The following PTPN4 variants were observed in gnomAD, a reference collection of about 807,000 sequenced individuals.
PTPN4 encodes the protein tyrosine-protein phosphatase non-receptor type 4.
Under a neutral mutation model 135.5 loss-of-function variants are expected in PTPN4, and 49 were observed. The ratio of observed to expected loss-of-function variants is 0.36; its 90% CI spans 0.29 to 0.46. The LOEUF is 0.46. Among genes scored for constraint, PTPN4 ranks in the 20% least tolerant of loss-of-function variants. The probability of loss-of-function intolerance (pLI) is 1.00; values close to 1 mark genes in which losing one functional copy is unlikely to be tolerated. For synonymous variants in PTPN4, 333 were observed against 369.9 expected, an observed-to-expected ratio of 0.90 and a Z score of 1.14; for missense variants, 860 against 1,101.0, an observed-to-expected ratio of 0.78 and a Z score of 3.10.
chr2:119,877,448 C>T lies in PTPN4; in HGVS notation c.290-16C>T, dbSNP rs183755160. Reference sequence around the variant, plus strand: ...AATATAGTCTGATTAATTAGAACTACTTTTATTAATTCTAGGAGGATCTCC... The same window carrying T: ...AATATAGTCTGATTAATTAGAACTATTTTTATTAATTCTAGGAGGATCTCC... On this transcript the variant is annotated splice_polypyrimidine_tract_variant and intron_variant, in intron 4 of 26. Coordinates refer to ENST00000263708, the MANE Select transcript of PTPN4 (RefSeq NM_002830.4). 899 of 1,605,768 alleles carry T rather than the reference C, an allele frequency of 5.6e-4. 3 individuals carry two copies. The African/African-American group carries it at 0.011, about 19-fold the overall frequency.
intron 2 of PTPN4, among the ~76,000 whole-genome samples, chr2:119,824,996 A>G (rs1183707873): frequency 6.6e-6 from 1 of 152,122 alleles, no homozygotes; most frequent in Non-Finnish European, 1.5e-5. Context: ...CCAAATATAA[A>G]CATTTTTAAG....
At chr2:119,941,080 A>C (rs1469415859) in intron 15 of PTPN4, among the ~76,000 whole-genome samples, 1 of 152,144 alleles carries the variant, frequency 6.6e-6, no homozygotes, top group African/African-American at 2.4e-5. Flanking sequence ...ATGTCTCTTC[A>C]TTCTCTTATA....
chr2:119,861,865 T>G (rs1271583794), intron 2 of PTPN4, among the ~76,000 whole-genome samples: 6 of 152,202 alleles, frequency 3.9e-5, no homozygotes, highest in Non-Finnish European at 7.4e-5. Flanking sequence ...ATAGAATTAG[T>G]ATGAGGTTAA....
rs752780174 is a variant in PTPN4, at chr2:119,934,808, C to G, written c.1205C>G (p.Ser402Cys). The G allele has an allele frequency of 1.9e-6, 3 of 1,613,636 alleles. No homozygotes were observed. The South Asian group carries it at 3.3e-5, about 18-fold the overall frequency. The change falls in exon 15 of 27, where the codon TCT (serine) becomes TGT (cysteine). Residue 402 changes from serine to cysteine, a missense_variant. Ser to Cys is a moderately radical substitution (Grantham distance 112). Around this residue, in one of 2 missense-constraint regions of PTPN4, gnomAD observed 684 missense variants for 807.0 expected, o/e 0.85. Coordinates refer to ENST00000263708, the MANE Select transcript of PTPN4 (RefSeq NM_002830.4). ...SPPGTPNHRN[S>C]TFTQEGTRLR... ...TCTCCCTCTTTATTTAGTCGAAATTCTACATTCACGCAGGAAGGAACCCGG... is the reference window on the plus strand; with the variant it reads ...TCTCCCTCTTTATTTAGTCGAAATTGTACATTCACGCAGGAAGGAACCCGG...
At chr2:119,928,039 G>C (rs1166347274) in intron 13 of PTPN4, among the ~76,000 whole-genome samples, 2 of 152,018 alleles carry the variant, frequency 1.3e-5, no homozygotes, top group African/African-American at 2.4e-5. Flanking sequence ...AAAAAATTTT[G>C]ATACTCATTA....
chr2:119,825,415 A>G (rs1677131926), intron 2 of PTPN4, among the ~76,000 whole-genome samples: 1 of 151,608 alleles, frequency 6.6e-6, no homozygotes, highest in Non-Finnish European at 1.5e-5. Flanking sequence ...TTTTTTACAG[A>G]TAGAGGAATC....
At chr2:119,762,674 T>G (rs574471126) in intron 1 of PTPN4, among the ~76,000 whole-genome samples, 1 of 152,136 alleles carries the variant, frequency 6.6e-6, no homozygotes, top group African/African-American at 2.4e-5. Context: ...TTGGTGTATG[T>G]TTAGGGGCAA....
Position 119,881,820 on chromosome 2 carries a change from C to G in PTPN4, c.403C>G (p.Leu135Val). Reference protein sequence around the residue: ...QYFLQIKQDILTGRLPCPSNT... With the variant: ...QYFLQIKQDIVTGRLPCPSNT... ...TTTTTTGCAAATTAAACAAGACATTCTTACTGGAAGGTGGGCTCTTTAAAT... is the reference window on the plus strand; with the variant it reads ...TTTTTTGCAAATTAAACAAGACATTGTTACTGGAAGGTGGGCTCTTTAAAT... Residue 135 changes from leucine to valine, a missense_variant, in exon 6 of 27, where the codon CTT becomes GTT. By Grantham distance (32) the Leu-to-Val change is conservative. Around this residue, in one of 2 missense-constraint regions of PTPN4, gnomAD observed 684 missense variants for 807.0 expected, o/e 0.85. Coordinates refer to ENST00000263708, the MANE Select transcript of PTPN4 (RefSeq NM_002830.4). 1.3e-6 allele frequency: 2 copies of G among 1,563,346 alleles called. No homozygotes were observed. The highest frequency in any genetic ancestry group is 1.8e-6 in the Non-Finnish European group (2 of 1,142,206).
Position 119,936,347 on chromosome 2 carries a change from G to A in PTPN4, c.1355+1389G>A, listed in dbSNP as rs1162652125. Among the ~76,000 whole-genome samples, 4 of 152,242 alleles carry A rather than the reference G, an allele frequency of 2.6e-5. No homozygotes were observed. The East Asian group carries it at 7.7e-4, about 29-fold the overall frequency. On this transcript the variant is annotated intron_variant, in intron 15 of 26. Coordinates refer to ENST00000263708, the MANE Select transcript of PTPN4 (RefSeq NM_002830.4). ...TTCACAAACCCCCAAATCACTTGCT[G>A]ATATGGTTTGGCTCTGTGTCCTCAC...
intron 2 of PTPN4, among the ~76,000 whole-genome samples, chr2:119,847,274 A>G (rs1014615987): frequency 4.4e-4 from 37 of 84,268 alleles, no homozygotes; most frequent in Non-Finnish European, 7.3e-4. Flanking sequence ...GATACTCTAT[A>G]TACACACACA....
At position 119,772,172 on chromosome 2, in the gene PTPN4, C is replaced by T. The variant is rs549916765; in HGVS notation, c.-18+11788C>T. ...TCTTTCTAATTTATCTTACTGTTTC[C>T]AGCCTAGCACAAATTGCAGTCAGTT... On this transcript the variant is annotated intron_variant, in intron 1 of 26. Coordinates refer to ENST00000263708, the MANE Select transcript of PTPN4 (RefSeq NM_002830.4). 1.8e-4 allele frequency among the ~76,000 whole-genome samples: 28 copies of T among 152,236 alleles called. No individual in the cohort carries two copies. In the South Asian group the frequency reaches 5.8e-3, roughly 32 times the overall value.
intron 7 of PTPN4, 57 bp from the exon 8 acceptor site, chr2:119,882,446 C>G (rs1023159028): frequency 2.9e-6 from 4 of 1,398,602 alleles, no homozygotes; most frequent in African/African-American, 3.0e-5. Context: ...GCTGATTTGA[C>G]TATAATAATT....
chr2:119,982,620 T>C lies in PTPN4; in HGVS notation c.*5550T>C, dbSNP rs754303692. ...AGTATAAAATAATTGAATTCTAGAC[T>C]TTTGGAGTGTGGAAGGGTGTTTGTG... On this transcript the variant is annotated 3_prime_UTR_variant, in exon 27 of 27. Coordinates refer to ENST00000263708, the MANE Select transcript of PTPN4 (RefSeq NM_002830.4). The C allele has an allele frequency of 4.6e-5, 7 of 152,210 alleles. No homozygotes were observed. The highest frequency in any genetic ancestry group is 1.0e-4 in the Non-Finnish European group (7 of 68,040). 9.4% of individuals were successfully genotyped at this position (152,210 alleles called of 1,614,324 possible). A position where few individuals can be genotyped will look rare whatever the true frequency, so the allele number is the denominator to read the frequency against.
chr2:119,919,076 T>C (rs1339570607), intron 11 of PTPN4, among the ~76,000 whole-genome samples: 3 of 152,154 alleles, frequency 2.0e-5, no homozygotes. Flanking sequence ...GGTAATCTGG[T>C]AGAAAGGGGA....
At chr2:119,804,766 A>T (rs1357603925) in intron 1 of PTPN4, among the ~76,000 whole-genome samples, 1 of 152,220 alleles carries the variant, frequency 6.6e-6, no homozygotes, top group Non-Finnish European at 1.5e-5. Context: ...TTATAGCAGA[A>T]TGATTTATAA....
chr2:119,959,266 C>T (rs1466189568), intron 22 of PTPN4, among the ~76,000 whole-genome samples: 1 of 150,486 alleles, frequency 6.6e-6, no homozygotes, highest in Non-Finnish European at 1.5e-5. Flanking sequence ...AGCAAAACCA[C>T]AATACTATTT....
At chr2:119,781,700 C>A (rs1328814545) in intron 1 of PTPN4, among the ~76,000 whole-genome samples, 1 of 152,038 alleles carries the variant, frequency 6.6e-6, no homozygotes, top group Non-Finnish European at 1.5e-5. Context: ...TATTTCATGA[C>A]CCATGAAAAT....
At chr2:119,943,936 A>C (rs965025377) in intron 15 of PTPN4, among the ~76,000 whole-genome samples, 1 of 151,636 alleles carries the variant, frequency 6.6e-6, no homozygotes, top group Non-Finnish European at 1.5e-5. Flanking sequence ...TACACATTCC[A>C]CTTCTACCCA....
intron 2 of PTPN4, among the ~76,000 whole-genome samples, chr2:119,838,391 A>G (rs1365551234): frequency 2.6e-5 from 4 of 152,178 alleles, no homozygotes; most frequent in Non-Finnish European, 1.5e-5. Context: ...GTGACACCCC[A>G]TGAATTCTGT....
Sources: gnomAD v4.1 joint callset for allele counts (sites outside exome capture counted in the v4.1 genomes callset) on GRCh38, gnomAD v4.1.1 for gene constraint, gnomAD v4.1.1 regional missense constraint, MANE v1.5 for transcripts, NCBI Gene and HGNC (gene_info 2026-07-23, HGNC 2026-07-21) for gene names.